ADAMTS12: variants seen among roughly 807,000 people sequenced by gnomAD.
The protein encoded by ADAMTS12 is ADAM metallopeptidase with thrombospondin type 1 motif 12.
ADAMTS12 carries 118 observed loss-of-function variants against 167.8 expected under a neutral mutation model. The ratio of observed to expected loss-of-function variants is 0.70; its 90% CI spans 0.61 to 0.82. The LOEUF (loss-of-function observed/expected upper bound fraction) is 0.82, where lower values mean the gene tolerates loss of function less well. ADAMTS12 is among the 40% of genes least tolerant of loss of function. The probability of loss-of-function intolerance (pLI) is 0.00; values close to 1 mark genes in which losing one functional copy is unlikely to be tolerated. For synonymous variants in ADAMTS12, 704 were observed against 716.9 expected (o/e 0.98, Z 0.29); for missense variants, 1,916 against 1,998.8 (o/e 0.96, Z 0.79).
At chr5:33,624,941 T>C (rs1342730248) in intron 13 of ADAMTS12, among the ~76,000 whole-genome samples, 1 of 152,198 alleles carries the variant, frequency 6.6e-6, no homozygotes, top group African/African-American at 2.4e-5. Context: ...TCTTTAAAGA[T>C]CATTTTCTTT....
intron 3 of ADAMTS12, among the ~76,000 whole-genome samples, chr5:33,690,922 G>A (rs1175279258): frequency 6.6e-6 from 1 of 152,176 alleles, no homozygotes; most frequent in African/African-American, 2.4e-5. Flanking sequence ...GCTGGGGGCA[G>A]AAGTAAAATA....
At chr5:33,800,389 A>C (rs553175569) in intron 2 of ADAMTS12, among the ~76,000 whole-genome samples, 34 of 152,336 alleles carry the variant, frequency 2.2e-4, no homozygotes, top group African/African-American at 7.9e-4. Context: ...TGAGGGGAAC[A>C]CTCAGAAAAG....
intron 7 of ADAMTS12, among the ~76,000 whole-genome samples, chr5:33,652,563 C>A (rs1740903217): frequency 6.6e-6 from 1 of 152,040 alleles, no homozygotes; most frequent in Non-Finnish European, 1.5e-5. Flanking sequence ...CATATGTTTT[C>A]TCCACTCTGT....
chr5:33,652,089 C>T (rs560410452), intron 7 of ADAMTS12, among the ~76,000 whole-genome samples: 13 of 152,176 alleles, frequency 8.5e-5, no homozygotes, highest in East Asian at 7.7e-4. Context: ...AATAAACATA[C>T]GAGTGCAGGT....
chr5:33,785,621 C>A (rs1746298741), intron 2 of ADAMTS12, among the ~76,000 whole-genome samples: 1 of 152,120 alleles, frequency 6.6e-6, no homozygotes, highest in African/African-American at 2.4e-5. Context: ...TTATATACTA[C>A]TACAAACCCA....
intron 1 of ADAMTS12, among the ~76,000 whole-genome samples, chr5:33,882,623 C>T (rs1358274846): frequency 6.6e-6 from 1 of 151,990 alleles, no homozygotes; most frequent in East Asian, 1.9e-4. Context: ...CAGATTTTTG[C>T]ACTTGTTGCC....
intron 2 of ADAMTS12, among the ~76,000 whole-genome samples, chr5:33,760,142 T>C (rs1303640757): frequency 6.6e-6 from 1 of 152,156 alleles, no homozygotes; most frequent in African/African-American, 2.4e-5. Flanking sequence ...CATTCTTCCA[T>C]CATGTGGTGC....
chr5:33,735,670 A>C (rs1484507537), intron 3 of ADAMTS12, among the ~76,000 whole-genome samples: 1 of 152,098 alleles, frequency 6.6e-6, no homozygotes, highest in Non-Finnish European at 1.5e-5. Context: ...GCTTTTCCTG[A>C]GGTCCCAGCT....
Position 33,833,669 on chromosome 5 carries a change from A to G in ADAMTS12, c.489+47450T>C, listed in dbSNP as rs554276053. 2.2e-4 allele frequency among the ~76,000 whole-genome samples: 34 copies of G among 152,344 alleles called. 1 individual carries two copies. Among genetic ancestry groups the G allele is most frequent in the African/African-American group, 8.2e-4 (34 of 41,584 alleles). On this transcript the variant is annotated intron_variant, in intron 2 of 23. Coordinates refer to ENST00000504830, the MANE Select transcript of ADAMTS12 (RefSeq NM_030955.4). ...AAAAAAGTTTTCTCTACAATGCTCT[A>G]CACCTGCAAACTCTCTCTCAAAAAC...
chr5:33,584,809 G>A (rs1346849071), intron 18 of ADAMTS12, among the ~76,000 whole-genome samples: 1 of 152,148 alleles, frequency 6.6e-6, no homozygotes, highest in African/African-American at 2.4e-5. Flanking sequence ...TAATTACTAG[G>A]AGAAATAACA....
rs146079323 is a variant in ADAMTS12 at position 33,702,989 on chromosome 5, T to G, written c.635-18934A>C. ...TTCCTACAACCTGTTCATCCACAGGTGGGGAGCACCTTGATGATACCCCAC... is the reference window on the plus strand; with the variant it reads ...TTCCTACAACCTGTTCATCCACAGGGGGGGAGCACCTTGATGATACCCCAC... On this transcript the variant is annotated intron_variant, in intron 3 of 23. Transcript: ENST00000504830. Among the ~76,000 whole-genome samples the G allele has an allele frequency of 2.1e-3, 313 of 152,262 alleles. 2 individuals carry two copies. The highest frequency in any genetic ancestry group is 7.3e-3 in the African/African-American group (302 of 41,550).
At chr5:33,641,660 T>A (rs545191625) in intron 11 of ADAMTS12, 150 bp downstream of exon 11, 1 of 779,046 alleles carries the variant, frequency 1.3e-6, no homozygotes, top group African/African-American at 1.8e-5. Flanking sequence ...CCCCACTCTC[T>A]GTGAATCTTC....
chr5:33,671,005 C>G (rs1484467640), intron 5 of ADAMTS12, among the ~76,000 whole-genome samples: 1 of 152,122 alleles, frequency 6.6e-6, no homozygotes, highest in African/African-American at 2.4e-5. Flanking sequence ...TTGATACACA[C>G]AATTTCAATG....
intron 2 of ADAMTS12, among the ~76,000 whole-genome samples, chr5:33,831,138 C>T (rs1379039804): frequency 6.6e-6 from 1 of 152,052 alleles, no homozygotes; most frequent in Non-Finnish European, 1.5e-5. Context: ...TAGGCAAAAA[C>T]AATAGAGAAT....
At position 33,546,172 on chromosome 5, in the gene ADAMTS12, C is replaced by T. The variant is rs1372671716; in HGVS notation, c.4333G>A (p.Glu1445Lys). Residue 1445 changes from glutamate to lysine, a missense_variant, in exon 22 of 24, where the codon GAG becomes AAG. By Grantham distance (56) the Glu-to-Lys change is moderately conservative (BLOSUM62 1). Coordinates refer to ENST00000504830, the MANE Select transcript of ADAMTS12 (RefSeq NM_030955.4). ...CSRSCGGGVQ[E>K]RGVFCPGGLC... is the part of the protein sequence containing the mutation. ...CCTCCTGGACAGAACACTCCTCTCT[C>T]CTGAACTCCACCTCCACAGGACCTG... is the stretch of plus-strand genomic sequence containing the variant. The T allele has an allele frequency of 6.2e-7, 1 of 1,613,784 alleles. No individual in the cohort carries two copies. The highest frequency in any genetic ancestry group is 1.7e-5 in the Admixed American group (1 of 59,968).
chr5:33,626,735 ATGGTGG>A (rs1330204298), intron 13 of ADAMTS12, among the ~76,000 whole-genome samples: 1 of 107,472 alleles, frequency 9.3e-6, no homozygotes, highest in Non-Finnish European at 1.9e-5. Flanking sequence ...TTTGATGGTA[ATGGTGG>A]TGGTGGTGGT....
At chr5:33,877,770 C>T (rs748889832) in intron 2 of ADAMTS12, among the ~76,000 whole-genome samples, 3 of 152,114 alleles carry the variant, frequency 2.0e-5, no homozygotes, top group Non-Finnish European at 4.4e-5. Context: ...CCCACAGCTT[C>T]CCATAGGTAG....
intron 19 of ADAMTS12, among the ~76,000 whole-genome samples, chr5:33,565,275 G>C (rs997925423): frequency 3.9e-5 from 6 of 152,100 alleles, no homozygotes; most frequent in South Asian, 2.1e-4. Flanking sequence ...CATGCTTCAG[G>C]CTCCCGAGTA....
intron 2 of ADAMTS12, among the ~76,000 whole-genome samples, chr5:33,877,756 T>C (rs1043538493): frequency 6.6e-5 from 10 of 152,094 alleles, no homozygotes; most frequent in African/African-American, 1.7e-4. Context: ...AGGAAGAAGG[T>C]TGTCCCACAG....
Sources: allele counts gnomAD v4.1 joint callset (sites outside exome capture counted in the v4.1 genomes callset), GRCh38; gene constraint gnomAD v4.1.1; transcripts MANE v1.5; gene names NCBI Gene and HGNC (gene_info 2026-07-23, HGNC 2026-07-21).